The following MAN1C1 variants were observed in gnomAD, a reference collection of about 807,000 sequenced individuals.
MAN1C1 encodes the protein mannosyl-oligosaccharide 1,2-alpha-mannosidase IC.
Under a neutral mutation model 71.5 loss-of-function variants are expected in MAN1C1, and 49 were observed. The ratio of observed to expected loss-of-function variants is 0.69; its 90% CI spans 0.54 to 0.87. MAN1C1 has a LOEUF of 0.87. Among genes scored for constraint, MAN1C1 ranks in the 40% least tolerant of loss-of-function variants. MAN1C1 has a pLI of 0.00. For synonymous variants in MAN1C1, 352 were observed against 343.7 expected (o/e 1.02, Z -0.27); for missense variants, 743 against 835.0 (o/e 0.89, Z 1.36).
In MAN1C1 at chr1:25,686,504, T is replaced by A; in HGVS notation, c.605T>A (p.Leu202Gln). ...ATGGGGAAAAACGAACTCCGTCCAC[T>A]AACAAAAGATGGCTACGAGGGTAAC... ...YAMGKNELRP[L>Q]TKDGYEGNMF... Residue 202 changes from leucine to glutamine, a missense_variant, in exon 2 of 12, where the codon CTA becomes CAA. Physicochemically the swap from Leu to Gln is moderately radical, Grantham distance 113. Coordinates refer to ENST00000374332, the MANE Select transcript of MAN1C1 (RefSeq NM_020379.4). 6.2e-7 allele frequency: 1 copy of A among 1,614,204 alleles called. No homozygotes were observed. The highest frequency in any genetic ancestry group is 8.5e-7 in the Non-Finnish European group (1 of 1,180,038).
rs546333587 is a variant in MAN1C1, at chr1:25,764,869, G to A, written c.1141+902G>A. Among the ~76,000 whole-genome samples the A allele has an allele frequency of 2.0e-5, 3 of 152,098 alleles. No homozygotes were observed. Among genetic ancestry groups the A allele is most frequent in the Admixed American group, 6.5e-5 (1 of 15,288 alleles). On this transcript the variant is annotated intron_variant, in intron 7 of 11. Coordinates refer to ENST00000374332, the MANE Select transcript of MAN1C1 (RefSeq NM_020379.4). This position sits in a 1 kb window ranked among gnomAD's most constrained non-coding sequence, Gnocchi z 4.4. ...TCTAGACCAGCCTGGCCAACATGGC[G>A]AAACCCTGTCTCTACTAAAAATACA... is the stretch of plus-strand genomic sequence containing the variant.
intron 2 of MAN1C1, among the ~76,000 whole-genome samples, chr1:25,727,452 C>T (rs2046847232): frequency 6.6e-6 from 1 of 152,234 alleles, no homozygotes; most frequent in African/African-American, 2.4e-5. Context: ...TGTCTGCACC[C>T]ACCCTGCCCG....
intron 1 of MAN1C1, among the ~76,000 whole-genome samples, chr1:25,658,489 C>A (rs557153225): frequency 6.6e-6 from 1 of 152,072 alleles, no homozygotes; most frequent in Admixed American, 6.6e-5. Flanking sequence ...CTGGCTCTCT[C>A]GCCTAGGCTA....
At chr1:25,748,121 C>T (rs1026499070) in intron 3 of MAN1C1, among the ~76,000 whole-genome samples, 11 of 152,092 alleles carry the variant, frequency 7.2e-5, no homozygotes, top group Admixed American at 2.0e-4. Flanking sequence ...GGATACAGAA[C>T]GGGCTCAGGC....
chr1:25,763,982 G>C lies in MAN1C1; in HGVS notation c.1141+15G>C. 1 of 1,602,326 alleles carries C rather than the reference G, an allele frequency of 6.2e-7. No individual in the cohort carries two copies. The highest frequency in any genetic ancestry group is 1.1e-5 in the South Asian group (1 of 90,846). ...CTGGGTGCAACGTGAGTACAGAGACGCCACTGCCCCTTATTCAGCGGGTTC... is the reference window on the plus strand; with the variant it reads ...CTGGGTGCAACGTGAGTACAGAGACCCCACTGCCCCTTATTCAGCGGGTTC... On this transcript the variant is annotated intron_variant, in intron 7 of 11. Coordinates refer to ENST00000374332, the MANE Select transcript of MAN1C1 (RefSeq NM_020379.4).
intron 6 of MAN1C1, among the ~76,000 whole-genome samples, chr1:25,762,319 C>T (rs1019151678): frequency 1.3e-5 from 2 of 151,920 alleles, no homozygotes; most frequent in Admixed American, 6.6e-5. Flanking sequence ...GAGACAGTTT[C>T]GCCATGTTAC....
At chr1:25,640,160 A>T (rs1192352542) in intron 1 of MAN1C1, among the ~76,000 whole-genome samples, 1 of 152,192 alleles carries the variant, frequency 6.6e-6, no homozygotes, top group Non-Finnish European at 1.5e-5. Flanking sequence ...GTGAGGTCTG[A>T]TCTCTTGTCT....
In MAN1C1 at chr1:25,771,737, A is replaced by C; in HGVS notation, c.1222A>C (p.Met408Leu). The C allele has an allele frequency of 1.9e-6, 3 of 1,614,130 alleles. No homozygotes were observed. Among genetic ancestry groups the C allele is most frequent in the Non-Finnish European group, 2.5e-6 (3 of 1,180,014 alleles). ...CTGGTTGATGTCGGGCAAGACAGAT[A>C]TGGAGGCTAAAAATATGTACTACGA... The part of the protein sequence containing the change: ...KSWLMSGKTD[M>L]EAKNMYYEAL... The change falls in exon 8 of 12, where the codon ATG (methionine) becomes CTG (leucine). Residue 408 changes from methionine (M) to leucine (L), a missense_variant. Physicochemically the swap from Met to Leu is conservative, Grantham distance 15. Transcript: ENST00000374332.
chr1:25,695,019 C>T (rs2046352457), intron 2 of MAN1C1, among the ~76,000 whole-genome samples: 2 of 152,076 alleles, frequency 1.3e-5, no homozygotes, highest in African/African-American at 2.4e-5. Context: ...ACACCCTTCC[C>T]GGTGTATACA....
At chr1:25,762,765 C>CAAAT (rs1227248848) in intron 6 of MAN1C1, among the ~76,000 whole-genome samples, 1 of 152,102 alleles carries the variant, frequency 6.6e-6, no homozygotes, top group African/African-American at 2.4e-5. Context: ...TGTTGATGGA[C>CAAAT]ATTTAGGTTG....
rs918703428 is a variant in MAN1C1 at position 25,634,310 on chromosome 1, C to G, written c.540+15973C>G. ...GACATCTTTGCCTTGTTCTTGATCT[C>G]GAGGGAAAAGCAGCCAGTCTTTCAT... is the stretch of plus-strand genomic sequence containing the variant. On this transcript the variant is annotated intron_variant, in intron 1 of 11. Transcript: ENST00000374332. This position sits in a 1 kb window ranked among gnomAD's most constrained non-coding sequence, Gnocchi z 4.6. Among the ~76,000 whole-genome samples, 1 of 152,038 alleles carries G rather than the reference C, an allele frequency of 6.6e-6. No homozygotes were observed. The highest frequency in any genetic ancestry group is 1.5e-5 in the Non-Finnish European group (1 of 68,004).
chr1:25,681,226 CA>C (rs59356271), intron 1 of MAN1C1, among the ~76,000 whole-genome samples: 27,953 of 106,316 alleles, frequency 0.26, 4,184 homozygotes, highest in African/African-American at 0.5. Context: ...TACTCCGTCT[CA>C]AAAAAAAAAA....
At chr1:25,706,704 C>G (rs2046528529) in intron 2 of MAN1C1, among the ~76,000 whole-genome samples, 1 of 152,194 alleles carries the variant, frequency 6.6e-6, no homozygotes, top group South Asian at 2.1e-4. Flanking sequence ...AAATCTAAGG[C>G]CAGGGCCCTG....
At chr1:25,623,364 T>G (rs1033701520) in intron 1 of MAN1C1, among the ~76,000 whole-genome samples, 3 of 152,204 alleles carry the variant, frequency 2.0e-5, no homozygotes, top group African/African-American at 7.2e-5. Flanking sequence ...CCCCATATTC[T>G]TAACTCTGTC....
intron 1 of MAN1C1, among the ~76,000 whole-genome samples, chr1:25,682,735 C>T (rs61481022): frequency 0.057 from 8,720 of 152,108 alleles, 848 homozygotes; most frequent in African/African-American, 0.2. Context: ...CATCACTGAG[C>T]GTGTTCAAAA....
chr1:25,661,489 T>C (rs1247054069), intron 1 of MAN1C1, among the ~76,000 whole-genome samples: 3 of 152,184 alleles, frequency 2.0e-5, no homozygotes, highest in Non-Finnish European at 4.4e-5. Flanking sequence ...AATGTCCCCC[T>C]CTGTGTCTTG....
chr1:25,622,427 TA>T (rs1225159242), intron 1 of MAN1C1, among the ~76,000 whole-genome samples: 7 of 152,374 alleles, frequency 4.6e-5, no homozygotes, highest in African/African-American at 1.4e-4. Context: ...GGAACTCACC[TA>T]CTTTAATGAA....
At chr1:25,691,571 G>A (rs2046309906) in intron 2 of MAN1C1, among the ~76,000 whole-genome samples, 1 of 152,242 alleles carries the variant, frequency 6.6e-6, no homozygotes, top group African/African-American at 2.4e-5. Flanking sequence ...CAGCTGCGAT[G>A]AGGATGCTGC....
At chr1:25,658,646 G>C (rs1476075121) in intron 1 of MAN1C1, 3 of 152,104 alleles carry the variant, frequency 2.0e-5, no homozygotes, top group Non-Finnish European at 4.4e-5. Flanking sequence ...TAGAGACAAG[G>C]GTTTCACCAT....
Sources: allele counts gnomAD v4.1 joint callset (sites outside exome capture counted in the v4.1 genomes callset), GRCh38; gene constraint gnomAD v4.1.1; non-coding constraint Gnocchi (gnomAD v3.1); transcripts MANE v1.5; gene names NCBI Gene and HGNC (gene_info 2026-07-23, HGNC 2026-07-21).